VRK2: variants seen among roughly 807,000 people sequenced by gnomAD.
VRK2 encodes VRK serine/threonine kinase 2.
In VRK2, 60 loss-of-function variants were observed where a neutral mutation model predicts 57.6. The ratio of observed to expected loss-of-function variants is 1.04; its 90% CI spans 0.85 to 1.29. The LOEUF (loss-of-function observed/expected upper bound fraction) is 1.29, where lower values mean the gene tolerates loss of function less well. Ranked by LOEUF, VRK2 falls within the 50% of genes most tolerant of loss-of-function variation. The pLI is 0.00. For synonymous variants in VRK2, 231 were observed against 199.2 expected, an observed-to-expected ratio of 1.16 and a Z score of -1.35; for missense variants, 705 against 588.1, an observed-to-expected ratio of 1.20 and a Z score of -2.06.
intron 10 of VRK2, 86 bp downstream of exon 10, chr2:58,135,285 C>T (rs1679854247): frequency 6.9e-7 from 1 of 1,441,800 alleles, no homozygotes; most frequent in Non-Finnish European, 9.7e-7. Context: ...TTGCTTAACC[C>T]ACTTGCTCCT....
At chr2:58,121,576 C>G (rs1367476318) in intron 7 of VRK2, among the ~76,000 whole-genome samples, 3 of 152,130 alleles carry the variant, frequency 2.0e-5, no homozygotes, top group Non-Finnish European at 1.5e-5. Flanking sequence ...TTGCAAGTTA[C>G]TCCAACAAAT....
At chr2:57,936,589 A>G (rs919657670) in intron 1 of VRK2, among the ~76,000 whole-genome samples, 3 of 148,278 alleles carry the variant, frequency 2.0e-5, no homozygotes, top group Non-Finnish European at 4.4e-5. Context: ...GCTGGAGTGC[A>G]GTGGAGGGAT....
intron 1 of VRK2, among the ~76,000 whole-genome samples, chr2:57,987,993 C>A (rs920856897): frequency 6.6e-6 from 1 of 152,032 alleles, no homozygotes; most frequent in Non-Finnish European, 1.5e-5. Flanking sequence ...TTACTAGGGC[C>A]TGGGGTTGGG....
chr2:58,157,830 T>A (rs191063463), intron 12 of VRK2, among the ~76,000 whole-genome samples: 2 of 152,194 alleles, frequency 1.3e-5, no homozygotes, highest in East Asian at 3.8e-4. Flanking sequence ...AACAATGCCA[T>A]TGTAGTGCAA....
chr2:58,054,753 A>G (rs1400782408), intron 2 of VRK2, among the ~76,000 whole-genome samples: 2 of 152,174 alleles, frequency 1.3e-5, no homozygotes, highest in Non-Finnish European at 2.9e-5. Flanking sequence ...TGGTTTTTAT[A>G]CTACTTAGAT....
chr2:58,016,774 A>G (rs1421437593), intron 1 of VRK2, among the ~76,000 whole-genome samples: 1 of 152,214 alleles, frequency 6.6e-6, no homozygotes, highest in Non-Finnish European at 1.5e-5. Context: ...TATGAAGTAG[A>G]GATTTCTGAA....
chr2:58,104,538 C>T (rs1340679359), intron 7 of VRK2, among the ~76,000 whole-genome samples: 2 of 151,728 alleles, frequency 1.3e-5, no homozygotes, highest in African/African-American at 2.4e-5. Flanking sequence ...AGGAAAACTA[C>T]AAAACAGTGG....
At chr2:58,141,477 T>A (rs1305147139) in intron 11 of VRK2, among the ~76,000 whole-genome samples, 1 of 151,956 alleles carries the variant, frequency 6.6e-6, no homozygotes, top group Non-Finnish European at 1.5e-5. Context: ...TCCCTTTTGA[T>A]TATTTTGATT....
At chr2:58,111,491 G>A (rs1675560668) in intron 7 of VRK2, among the ~76,000 whole-genome samples, 1 of 152,140 alleles carries the variant, frequency 6.6e-6, no homozygotes, top group Non-Finnish European at 1.5e-5. Context: ...GGCAGCTCAC[G>A]CCTGTAACCC....
At chr2:58,097,471 C>T (rs1673319218) in intron 7 of VRK2, among the ~76,000 whole-genome samples, 1 of 152,012 alleles carries the variant, frequency 6.6e-6, no homozygotes, top group Non-Finnish European at 1.5e-5. Flanking sequence ...CTTGCTACAA[C>T]AACAGTAGTT....
chr2:58,111,542 A>G (rs1270772381), intron 7 of VRK2, among the ~76,000 whole-genome samples: 2 of 152,194 alleles, frequency 1.3e-5, no homozygotes, highest in African/African-American at 2.4e-5. Context: ...GCTTGAGCCC[A>G]GGAGTTCAAG....
At chr2:58,092,472 G>C (rs1672514005) in intron 7 of VRK2, among the ~76,000 whole-genome samples, 1 of 152,144 alleles carries the variant, frequency 6.6e-6, no homozygotes, top group Non-Finnish European at 1.5e-5. Flanking sequence ...GTTGCTATAA[G>C]CTAAGCATTC....
chr2:58,014,011 A>G (rs1031518285), intron 1 of VRK2, among the ~76,000 whole-genome samples: 1 of 152,210 alleles, frequency 6.6e-6, no homozygotes, highest in African/African-American at 2.4e-5. Flanking sequence ...TACTTTCAGG[A>G]GATAATAGAA....
At chr2:58,136,931 TC>T in intron 10 of VRK2, among the ~76,000 whole-genome samples, 1 of 135,248 alleles carries the variant, frequency 7.4e-6, no homozygotes, top group African/African-American at 2.9e-5. Flanking sequence ...TGTGTATATA[TC>T]ATATATATTA....
At chr2:57,995,133 C>T (rs902234299) in intron 1 of VRK2, among the ~76,000 whole-genome samples, 1 of 152,094 alleles carries the variant, frequency 6.6e-6, no homozygotes, top group African/African-American at 2.4e-5. Flanking sequence ...GCAATGTGGA[C>T]TCTGAGATCA....
At chr2:58,101,462 T>C (rs1317291885) in intron 7 of VRK2, among the ~76,000 whole-genome samples, 1 of 151,794 alleles carries the variant, frequency 6.6e-6, no homozygotes. Context: ...CTTAACAAAC[T>C]TCACAGTCAT....
At chr2:57,980,252 CA>C (rs1388914304) in intron 1 of VRK2, among the ~76,000 whole-genome samples, 2 of 152,050 alleles carry the variant, frequency 1.3e-5, no homozygotes, top group African/African-American at 4.8e-5. Flanking sequence ...TCATGAGTTT[CA>C]AAGAATTTTT....
At chr2:58,143,583 G>A (rs755497844) in intron 11 of VRK2, among the ~76,000 whole-genome samples, 1 of 151,904 alleles carries the variant, frequency 6.6e-6, no homozygotes, top group African/African-American at 2.4e-5. Context: ...TCACAGAGGA[G>A]TGAATATATT....
chr2:58,093,209 T>G (rs534795409), intron 7 of VRK2, among the ~76,000 whole-genome samples: 1 of 152,340 alleles, frequency 6.6e-6, no homozygotes, highest in South Asian at 2.1e-4. Flanking sequence ...AAATGGTGTT[T>G]CTAGTTCTAG....
Sources: allele counts gnomAD v4.1 joint callset (sites outside exome capture counted in the v4.1 genomes callset), GRCh38; gene constraint gnomAD v4.1.1; transcripts MANE v1.5; gene names NCBI Gene and HGNC (gene_info 2026-07-23, HGNC 2026-07-21).